ARK2C: variants seen among roughly 807,000 people sequenced by gnomAD.
The protein encoded by ARK2C is arkadia (RNF111) C-terminal like ring finger ubiquitin ligase 2C, also known as E3 ubiquitin-protein ligase ARK2C.
At chr18:46,434,175 G>A in the ARK2C span, among the ~76,000 whole-genome samples, 99 of 152,328 alleles carry the variant, frequency 6.5e-4, 1 homozygote, top group African/African-American at 2.4e-3. Context: ...AAGAGAAAGA[G>A]TTGGATAGTC....
the ARK2C span, chr18:46,433,308 G>T: frequency 6.2e-7 from 1 of 1,611,602 alleles, no homozygotes; most frequent in Admixed American, 1.7e-5. Flanking sequence ...CCGTGCAGTC[G>T]CAGCCAGGCC....
chr18:46,378,787 A>T, the ARK2C span, among the ~76,000 whole-genome samples: 252 of 152,272 alleles, frequency 1.7e-3, no homozygotes, highest in African/African-American at 5.8e-3. Flanking sequence ...TCCAAGAGGA[A>T]GTTCTGGAGA....
the ARK2C span, among the ~76,000 whole-genome samples, chr18:46,375,873 C>T: frequency 2.0e-5 from 3 of 152,188 alleles, no homozygotes; most frequent in Admixed American, 6.5e-5. Context: ...AGGCCCTGGG[C>T]TAAGGGCTGG....
the ARK2C span, among the ~76,000 whole-genome samples, chr18:46,346,011 G>A: frequency 6.6e-5 from 10 of 152,182 alleles, no homozygotes; most frequent in African/African-American, 9.7e-5. Flanking sequence ...GCTGGTGGAC[G>A]TTTTGTGTTT....
the ARK2C span, among the ~76,000 whole-genome samples, chr18:46,356,469 T>TG: frequency 6.6e-6 from 1 of 152,170 alleles, no homozygotes; most frequent in South Asian, 2.1e-4. Flanking sequence ...CAGTGTGATA[T>TG]TTACCAGAGC....
the ARK2C span, among the ~76,000 whole-genome samples, chr18:46,347,296 G>GC: frequency 6.6e-6 from 1 of 152,140 alleles, no homozygotes; most frequent in Non-Finnish European, 1.5e-5. Context: ...GGAGCATCGG[G>GC]CCCTCTCATT....
chr18:46,387,380 C>A, the ARK2C span, among the ~76,000 whole-genome samples: 1 of 152,226 alleles, frequency 6.6e-6, no homozygotes, highest in East Asian at 1.9e-4. Context: ...AGGAAAGCAG[C>A]TTTTCCTTTG....
the ARK2C span, chr18:46,433,048 C>T: frequency 1.0e-5 from 6 of 592,526 alleles, no homozygotes; most frequent in Non-Finnish European, 1.8e-5. Flanking sequence ...TGACCACATG[C>T]CTCTAACAGT....
the ARK2C span, among the ~76,000 whole-genome samples, chr18:46,453,404 T>C: frequency 6.6e-6 from 1 of 152,146 alleles, no homozygotes; most frequent in Non-Finnish European, 1.5e-5. Flanking sequence ...CCTCACCTGC[T>C]GTCACTTCAA....
At chr18:46,450,696 C>G in the ARK2C span, 4 of 1,612,200 alleles carry the variant, frequency 2.5e-6, no homozygotes, top group Non-Finnish European at 8.5e-7. Context: ...ACATTTTTCT[C>G]TTTCCAGGAG....
the ARK2C span, among the ~76,000 whole-genome samples, chr18:46,443,395 A>G: frequency 1.3e-5 from 2 of 152,224 alleles, no homozygotes; most frequent in Admixed American, 6.5e-5. Context: ...AAATAGAATT[A>G]TACCATTTTG....
At chr18:46,390,374 C>T in the ARK2C span, among the ~76,000 whole-genome samples, 1 of 152,204 alleles carries the variant, frequency 6.6e-6, no homozygotes, top group Non-Finnish European at 1.5e-5. Context: ...GGAGATTAAG[C>T]CAGAGTTGGG....
chr18:46,342,557 G>A, the ARK2C span, among the ~76,000 whole-genome samples: 2 of 152,228 alleles, frequency 1.3e-5, no homozygotes, highest in Non-Finnish European at 2.9e-5. Flanking sequence ...AACCCAGGGT[G>A]GAGAGTCCTT....
At chr18:46,455,743 G>T in the ARK2C span, among the ~76,000 whole-genome samples, 2 of 152,210 alleles carry the variant, frequency 1.3e-5, no homozygotes, top group Admixed American at 6.5e-5. Flanking sequence ...GCTGAGGTGG[G>T]AGAATCGCTT....
At chr18:46,349,486 AT>A in the ARK2C span, among the ~76,000 whole-genome samples, 1 of 152,164 alleles carries the variant, frequency 6.6e-6, no homozygotes, top group African/African-American at 2.4e-5. Flanking sequence ...AAGATTCAAC[AT>A]ATAAATTTTG....
the ARK2C span, among the ~76,000 whole-genome samples, chr18:46,454,207 A>T: frequency 6.6e-6 from 1 of 151,972 alleles, no homozygotes; most frequent in Non-Finnish European, 1.5e-5. Context: ...ATATTAAGCT[A>T]AAATTTTTAA....
the ARK2C span, among the ~76,000 whole-genome samples, chr18:46,393,064 G>A: frequency 3.9e-5 from 6 of 152,294 alleles, no homozygotes; most frequent in African/African-American, 1.4e-4. Context: ...CAGCTACTTA[G>A]TGGCAGGATG....
At chr18:46,443,628 G>T in the ARK2C span, among the ~76,000 whole-genome samples, 1 of 152,146 alleles carries the variant, frequency 6.6e-6, no homozygotes, top group African/African-American at 2.4e-5. Flanking sequence ...ACATCTATTT[G>T]TTCACCTATT....
the ARK2C span, among the ~76,000 whole-genome samples, chr18:46,378,479 CT>C: frequency 6.6e-6 from 1 of 152,198 alleles, no homozygotes; most frequent in Non-Finnish European, 1.5e-5. Flanking sequence ...TTTTGCACCG[CT>C]TTCTGTAAGT....
Sources: allele counts gnomAD v4.1 joint callset (sites outside exome capture counted in the v4.1 genomes callset), GRCh38; gene constraint gnomAD v4.1.1; transcripts MANE v1.5; gene names NCBI Gene and HGNC (gene_info 2026-07-23, HGNC 2026-07-21).